TMEM232: variants seen among roughly 807,000 people sequenced by gnomAD.
TMEM232 encodes the protein transmembrane protein 232.
TMEM232 carries 80 observed loss-of-function variants against 78.8 expected under a neutral mutation model. The observed-to-expected ratio is 1.01, with a 90% CI of 0.85 to 1.22. The LOEUF (loss-of-function observed/expected upper bound fraction) is 1.22. TMEM232 is among the 50% of genes most tolerant of loss of function. TMEM232 has a pLI of 0.00. For missense variants in TMEM232, 881 were observed against 742.2 expected, an observed-to-expected ratio of 1.19 and a Z score of -2.17; for synonymous variants, 297 against 254.3, an observed-to-expected ratio of 1.17 and a Z score of -1.60.
chr5:110,469,631 G>A (rs116826537), intron 12 of TMEM232, among the ~76,000 whole-genome samples: 2,119 of 152,286 alleles, frequency 0.014, 42 homozygotes, highest in African/African-American at 0.048. Flanking sequence ...AGTTGCTGCT[G>A]CACCCTGTTC....
At chr5:110,631,585 G>T (rs1188528342) in intron 5 of TMEM232, among the ~76,000 whole-genome samples, 1 of 152,190 alleles carries the variant, frequency 6.6e-6, no homozygotes, top group Non-Finnish European at 1.5e-5. Flanking sequence ...AGGTGAACCA[G>T]ATGGCACCTT....
intron 12 of TMEM232, among the ~76,000 whole-genome samples, chr5:110,447,383 T>C (rs939087494): frequency 1.3e-5 from 2 of 152,012 alleles, no homozygotes; most frequent in African/African-American, 4.8e-5. Context: ...CTGTGCCACC[T>C]AGCTGCACAT....
chr5:110,568,368 C>A, intron 11 of TMEM232, 79 bp downstream of exon 11: 2 of 1,288,066 alleles, frequency 1.6e-6, no homozygotes, highest in Non-Finnish European at 2.1e-6. Context: ...TGTAGACATT[C>A]CTTTTACCAT....
At chr5:110,661,072 G>A (rs1789718106) in intron 2 of TMEM232, among the ~76,000 whole-genome samples, 2 of 152,110 alleles carry the variant, frequency 1.3e-5, no homozygotes, top group Non-Finnish European at 2.9e-5. Context: ...ACACATGTGA[G>A]TGACAATAGC....
At position 110,608,445 on chromosome 5, in the gene TMEM232, A is replaced by G. The variant is rs557772156; in HGVS notation, c.903-2158T>C. 2.0e-5 allele frequency among the ~76,000 whole-genome samples: 3 copies of G among 151,746 alleles called. No homozygotes were observed. In the South Asian group the frequency reaches 6.2e-4, roughly 32 times the overall value. On this transcript the variant is annotated intron_variant, in intron 8 of 13. Transcript: ENST00000455884. ...CCAGACTACTTATCATTTATACTTCATATTACGGTCAATTAAAAGAGAGGA... is the reference window on the plus strand; with the variant it reads ...CCAGACTACTTATCATTTATACTTCGTATTACGGTCAATTAAAAGAGAGGA...
intron 11 of TMEM232, among the ~76,000 whole-genome samples, chr5:110,537,279 A>G (rs952389343): frequency 1.2e-4 from 17 of 141,440 alleles, no homozygotes; most frequent in Non-Finnish European, 2.2e-4. Flanking sequence ...GAGAAAACTT[A>G]TATATATATA....
chr5:110,625,043 T>C (rs1784241678), intron 7 of TMEM232, among the ~76,000 whole-genome samples: 2 of 152,138 alleles, frequency 1.3e-5, no homozygotes, highest in Admixed American at 6.6e-5. Context: ...CCATTTAAAG[T>C]AGTAGAGTTA....
At chr5:110,421,909 T>C (rs556136446) in intron 13 of TMEM232, among the ~76,000 whole-genome samples, 55 of 152,326 alleles carry the variant, frequency 3.6e-4, no homozygotes, top group African/African-American at 1.3e-3. Context: ...ACTGCACTTA[T>C]CTTAAGGCTG....
At chr5:110,400,222 TAA>T (rs1050721545) in intron 2 of TMEM232, among the ~76,000 whole-genome samples, 2 of 152,168 alleles carry the variant, frequency 1.3e-5, no homozygotes, top group African/African-American at 4.8e-5. Context: ...CTAGCAGAAC[TAA>T]AATTCTGACT....
chr5:110,704,106 A>C (rs1001764673), intron 1 of TMEM232, among the ~76,000 whole-genome samples: 1 of 152,104 alleles, frequency 6.6e-6, no homozygotes, highest in African/African-American at 2.4e-5. Flanking sequence ...CAAAAAGCTA[A>C]ATTGATAAAA....
intron 2 of TMEM232, among the ~76,000 whole-genome samples, chr5:110,403,791 G>GTT (rs1267111085): frequency 6.6e-6 from 1 of 151,946 alleles, no homozygotes; most frequent in Non-Finnish European, 1.5e-5. Flanking sequence ...ATCAGGGAGA[G>GTT]TTGAAGAGAC....
intron 2 of TMEM232, among the ~76,000 whole-genome samples, chr5:110,665,177 A>C (rs1286485945): frequency 1.3e-5 from 2 of 152,276 alleles, no homozygotes; most frequent in East Asian, 3.9e-4. Context: ...AAAATCACAC[A>C]CAATTTTTAA....
exon 1 of TMEM232, chr5:110,738,038 T>A (rs1387537267): frequency 2.1e-5 from 5 of 232,572 alleles, no homozygotes; most frequent in Non-Finnish European, 4.4e-5. Flanking sequence ...CAGAAAAAAA[T>A]GTCAGTTCAA....
At chr5:110,698,672 T>C (rs909608970) in intron 1 of TMEM232, among the ~76,000 whole-genome samples, 1 of 151,994 alleles carries the variant, frequency 6.6e-6, no homozygotes, top group African/African-American at 2.4e-5. Context: ...TTGCTAGAGG[T>C]CTAAATTAGC....
At chr5:110,673,929 A>C (rs1791689734) in intron 1 of TMEM232, among the ~76,000 whole-genome samples, 1 of 151,486 alleles carries the variant, frequency 6.6e-6, no homozygotes, top group Non-Finnish European at 1.5e-5. Context: ...AATGATTTCT[A>C]TAAAGGCCTG....
At chr5:110,678,995 T>C (rs1792377037) in intron 1 of TMEM232, among the ~76,000 whole-genome samples, 1 of 152,210 alleles carries the variant, frequency 6.6e-6, no homozygotes. Context: ...TGCAGGTTTT[T>C]CTATGGACTT....
At chr5:110,716,425 G>C (rs1421035860) in intron 1 of TMEM232, among the ~76,000 whole-genome samples, 1 of 152,112 alleles carries the variant, frequency 6.6e-6, no homozygotes, top group African/African-American at 2.4e-5. Flanking sequence ...ACCTAAGCTT[G>C]TTTTCCTGCA....
At chr5:110,414,902 G>A (rs952196731), downstream of TMEM232, among the ~76,000 whole-genome samples, 7 of 152,140 alleles carry the variant, frequency 4.6e-5, no homozygotes, top group African/African-American at 1.7e-4. Context: ...CACTGAAGTA[G>A]ATCTAATTTC....
intron 12 of TMEM232, among the ~76,000 whole-genome samples, chr5:110,459,828 G>A (rs1207058351): frequency 6.6e-6 from 1 of 152,160 alleles, no homozygotes; most frequent in African/African-American, 2.4e-5. Context: ...TCCCTGATAT[G>A]ATACACTGAG....
Sources: allele counts gnomAD v4.1 joint callset (sites outside exome capture counted in the v4.1 genomes callset), GRCh38; gene constraint gnomAD v4.1.1; transcripts MANE v1.5; gene names NCBI Gene and HGNC (gene_info 2026-07-23, HGNC 2026-07-21).